SPMIP11: variants seen among roughly 807,000 people sequenced by gnomAD.
SPMIP11 encodes the protein sperm microtubule inner protein 11, also known as long intergenic non-protein coding RNA 935.
At chr12:48,733,913 G>A in the SPMIP11 span, among the ~76,000 whole-genome samples, 1 of 151,824 alleles carries the variant, frequency 6.6e-6, no homozygotes, top group Admixed American at 6.6e-5. Flanking sequence ...TGGTACTACA[G>A]GCACATGCCA....
chr12:48,768,615 GA>G, the SPMIP11 span: 2 of 1,614,096 alleles, frequency 1.2e-6, no homozygotes, highest in Non-Finnish European at 1.7e-6. Flanking sequence ...CCCCATTGAG[GA>G]AGTAGGTGGT....
At chr12:48,733,955 A>G in the SPMIP11 span, among the ~76,000 whole-genome samples, 22 of 151,776 alleles carry the variant, frequency 1.4e-4, 1 homozygote, top group East Asian at 4.3e-3. Flanking sequence ...ATTTTTTAGT[A>G]GAGACAGGGT....
At chr12:48,730,521 TAAAC>T in the SPMIP11 span, among the ~76,000 whole-genome samples, 63 of 152,348 alleles carry the variant, frequency 4.1e-4, no homozygotes, top group African/African-American at 1.5e-3. Flanking sequence ...CACTTTATAA[TAAAC>T]AACTACTTAT....
chr12:48,765,106 T>A, the SPMIP11 span: 1 of 605,078 alleles, frequency 1.7e-6, no homozygotes, highest in Non-Finnish European at 3.0e-6. Flanking sequence ...AGGAGAGATT[T>A]GAGTCTTACC....
At chr12:48,729,590 A>G in the SPMIP11 span, among the ~76,000 whole-genome samples, 1 of 151,742 alleles carries the variant, frequency 6.6e-6, no homozygotes, top group South Asian at 2.1e-4. Context: ...CATGCCTGTA[A>G]TCCCAGTGAC....
chr12:48,728,848 T>C, the SPMIP11 span, among the ~76,000 whole-genome samples: 1 of 151,790 alleles, frequency 6.6e-6, no homozygotes, highest in Admixed American at 6.6e-5. Flanking sequence ...GAGGCAGACG[T>C]TGAAAACTAG....
the SPMIP11 span, among the ~76,000 whole-genome samples, chr12:48,764,003 A>G: frequency 7.0e-6 from 1 of 142,672 alleles, no homozygotes; most frequent in Admixed American, 7.1e-5. Flanking sequence ...TTTTTTTGAG[A>G]TGGAGTTTCC....
chr12:48,770,964 T>C, the SPMIP11 span: 2 of 1,613,912 alleles, frequency 1.2e-6, no homozygotes, highest in South Asian at 1.1e-5. Flanking sequence ...CGCTCCTCGC[T>C]GATAATCTGA....
the SPMIP11 span, among the ~76,000 whole-genome samples, chr12:48,755,183 T>TCATC: frequency 6.6e-6 from 1 of 152,184 alleles, no homozygotes; most frequent in Non-Finnish European, 1.5e-5. Flanking sequence ...GAACATCCAC[T>TCATC]CAAGTACTTT....
chr12:48,760,224 A>G, the SPMIP11 span, among the ~76,000 whole-genome samples: 1 of 152,118 alleles, frequency 6.6e-6, no homozygotes, highest in Non-Finnish European at 1.5e-5. Context: ...CCCAGGCTGG[A>G]GTGCAGTGCT....
the SPMIP11 span, among the ~76,000 whole-genome samples, chr12:48,744,279 G>A: frequency 6.7e-6 from 1 of 148,216 alleles, no homozygotes; most frequent in Non-Finnish European, 1.5e-5. Flanking sequence ...TGTGGTACAC[G>A]CCTGTAATCC....
At chr12:48,762,108 G>C in the SPMIP11 span, among the ~76,000 whole-genome samples, 1 of 136,068 alleles carries the variant, frequency 7.3e-6, no homozygotes, top group Non-Finnish European at 1.5e-5. Flanking sequence ...TCCCAGGCTG[G>C]AGTGCAGTGG....
the SPMIP11 span, among the ~76,000 whole-genome samples, chr12:48,762,875 G>A: frequency 2.4e-4 from 36 of 152,074 alleles, no homozygotes; most frequent in Non-Finnish European, 7.3e-5. Flanking sequence ...GTGGGGAAGA[G>A]TAAAAGGTAC....
chr12:48,762,860 C>T, the SPMIP11 span, among the ~76,000 whole-genome samples: 1 of 151,952 alleles, frequency 6.6e-6, no homozygotes, highest in South Asian at 2.1e-4. Context: ...TAAGCTGTAA[C>T]CATTGTGGGG....
the SPMIP11 span, among the ~76,000 whole-genome samples, chr12:48,760,923 A>G: frequency 6.6e-6 from 1 of 152,230 alleles, no homozygotes; most frequent in Admixed American, 6.5e-5. Flanking sequence ...AGTATATTGT[A>G]TATTATCATG....
chr12:48,751,285 G>A, the SPMIP11 span, among the ~76,000 whole-genome samples: 1 of 152,228 alleles, frequency 6.6e-6, no homozygotes, highest in African/African-American at 2.4e-5. Flanking sequence ...GCAAATGGAT[G>A]TGGGGAACAT....
chr12:48,768,556 T>G, the SPMIP11 span: 114 of 1,614,002 alleles, frequency 7.1e-5, no homozygotes, highest in Non-Finnish European at 7.4e-5. Flanking sequence ...AATGCCCACC[T>G]TGGTCCCTTC....
At chr12:48,751,026 C>G in the SPMIP11 span, among the ~76,000 whole-genome samples, 8 of 152,244 alleles carry the variant, frequency 5.3e-5, no homozygotes, top group East Asian at 1.5e-3. Context: ...ATTCTTAACA[C>G]TGTTACTATC....
the SPMIP11 span, among the ~76,000 whole-genome samples, chr12:48,728,062 GAC>G: frequency 6.7e-6 from 1 of 148,432 alleles, no homozygotes; most frequent in African/African-American, 2.5e-5. Flanking sequence ...AAAAAAAAAA[GAC>G]ACACAATTTG....
Sources: gnomAD v4.1 joint callset for allele counts (sites outside exome capture counted in the v4.1 genomes callset) on GRCh38, gnomAD v4.1.1 for gene constraint, MANE v1.5 for transcripts, NCBI Gene and HGNC (gene_info 2026-07-23, HGNC 2026-07-21) for gene names.